GPC5: variants seen among roughly 807,000 people sequenced by gnomAD.
The protein encoded by GPC5 is glypican 5, also known as glypican-5.
GPC5 carries 47 observed loss-of-function variants against 53.9 expected under a neutral mutation model. The observed-to-expected ratio is 0.87, with a 90% CI of 0.69 to 1.11. The LOEUF is 1.11. Ranked by LOEUF, GPC5 falls within the 50% of genes most tolerant of loss-of-function variation. The pLI, the probability that GPC5 is intolerant of heterozygous loss-of-function variation, is 0.00. For synonymous variants in GPC5, 286 were observed against 263.3 expected (o/e 1.09, Z -0.84); for missense variants, 748 against 713.1 (o/e 1.05, Z -0.56).
At chr13:92,264,221 T>C (rs1260311697) in intron 7 of GPC5, among the ~76,000 whole-genome samples, 1 of 152,068 alleles carries the variant, frequency 6.6e-6, no homozygotes, top group Non-Finnish European at 1.5e-5. Context: ...AGAGTAAATA[T>C]ACTAATATAC....
intron 2 of GPC5, among the ~76,000 whole-genome samples, chr13:91,648,163 G>C (rs1315285447): frequency 6.6e-6 from 1 of 152,134 alleles, no homozygotes; most frequent in Admixed American, 6.5e-5. Flanking sequence ...GTGCTATCCT[G>C]ATTCCAGGAT....
At chr13:92,244,442 T>C (rs1594031894) in intron 7 of GPC5, among the ~76,000 whole-genome samples, 1 of 152,302 alleles carries the variant, frequency 6.6e-6, no homozygotes, top group East Asian at 1.9e-4. Context: ...TTAAATAGCA[T>C]GGACTAGAGT....
intron 1 of GPC5, among the ~76,000 whole-genome samples, chr13:91,419,861 T>C (rs573270947): frequency 6.6e-6 from 1 of 152,330 alleles, no homozygotes; most frequent in Non-Finnish European, 1.5e-5. Context: ...TGTTTGCTGC[T>C]TATGGTAAAT....
intron 7 of GPC5, among the ~76,000 whole-genome samples, chr13:92,280,245 T>C (rs2042904988): frequency 6.6e-6 from 1 of 152,170 alleles, no homozygotes; most frequent in Non-Finnish European, 1.5e-5. Context: ...TTAGTTGTTT[T>C]TGTCTTCTGT....
intron 7 of GPC5, among the ~76,000 whole-genome samples, chr13:92,285,096 T>A (rs1044089258): frequency 6.6e-6 from 1 of 152,028 alleles, no homozygotes; most frequent in Admixed American, 6.5e-5. Context: ...TATACACTAA[T>A]AACAGACAAA....
intron 7 of GPC5, among the ~76,000 whole-genome samples, chr13:92,717,450 A>G (rs932109032): frequency 1.1e-4 from 17 of 152,280 alleles, no homozygotes; most frequent in South Asian, 2.1e-4. Context: ...TCAGATATTT[A>G]AAGAAACAAT....
intron 2 of GPC5, among the ~76,000 whole-genome samples, chr13:91,511,828 C>T (rs1365058356): frequency 1.3e-5 from 2 of 151,834 alleles, no homozygotes; most frequent in Non-Finnish European, 2.9e-5. Flanking sequence ...ACATCTTGGG[C>T]GTATATGAAC....
At chr13:92,501,364 A>T (rs1880176559) in intron 7 of GPC5, among the ~76,000 whole-genome samples, 1 of 152,164 alleles carries the variant, frequency 6.6e-6, no homozygotes, top group South Asian at 2.1e-4. Flanking sequence ...GTGACAATAT[A>T]CTTGAAAACA....
chr13:92,224,684 A>G (rs902309484), intron 7 of GPC5, among the ~76,000 whole-genome samples: 1 of 152,188 alleles, frequency 6.6e-6, no homozygotes, highest in Non-Finnish European at 1.5e-5. Context: ...TGTCTAAATG[A>G]CAGTTCCACA....
intron 7 of GPC5, among the ~76,000 whole-genome samples, chr13:92,747,512 G>T (rs1818091100): frequency 6.6e-6 from 1 of 152,038 alleles, no homozygotes; most frequent in South Asian, 2.1e-4. Context: ...GCAAGTCACT[G>T]GGGGTATGCA....
chr13:92,368,077 C>T lies in GPC5; in HGVS notation c.1561+223088C>T, dbSNP rs189266780. 3.1e-3 allele frequency among the ~76,000 whole-genome samples: 473 copies of T among 152,110 alleles called. 4 individuals carry two copies. Among genetic ancestry groups the T allele is most frequent in the African/African-American group, 0.011 (444 of 41,528 alleles). The stretch of plus-strand genomic sequence containing the variant: ...TCGGCTCACTGCAACCTCTGCCTCC[C>T]GGATTGAAGCGATTCTTCTGCCTCA... On this transcript the variant is annotated intron_variant, in intron 7 of 7. Coordinates refer to ENST00000377067, the MANE Select transcript of GPC5 (RefSeq NM_004466.6).
chr13:91,546,758 T>G (rs2030313841), intron 2 of GPC5, among the ~76,000 whole-genome samples: 1 of 152,124 alleles, frequency 6.6e-6, no homozygotes, highest in Non-Finnish European at 1.5e-5. Context: ...TCGAGGATTT[T>G]AAACTTTGAC....
intron 6 of GPC5, among the ~76,000 whole-genome samples, chr13:91,946,378 C>G (rs1425197700): frequency 6.6e-6 from 1 of 152,062 alleles, no homozygotes; most frequent in African/African-American, 2.4e-5. Flanking sequence ...TACCATTACT[C>G]CATATGCTTC....
chr13:92,069,568 C>G (rs1214725629), intron 6 of GPC5, among the ~76,000 whole-genome samples: 1 of 151,894 alleles, frequency 6.6e-6, no homozygotes, highest in Non-Finnish European at 1.5e-5. Context: ...AATCTTGACC[C>G]CAGGCTAATA....
chr13:92,209,501 A>G (rs2042359671), intron 7 of GPC5, among the ~76,000 whole-genome samples: 1 of 152,172 alleles, frequency 6.6e-6, no homozygotes, highest in Non-Finnish European at 1.5e-5. Context: ...ATTGTTGTCT[A>G]CTAACTGCAA....
chr13:92,378,291 CA>C (rs1028482597), intron 7 of GPC5, among the ~76,000 whole-genome samples: 3 of 152,134 alleles, frequency 2.0e-5, no homozygotes, highest in Non-Finnish European at 2.9e-5. Context: ...CCAACTAAAA[CA>C]TATTAAGAAT....
At chr13:92,314,995 T>A (rs2043169265) in intron 7 of GPC5, among the ~76,000 whole-genome samples, 1 of 152,110 alleles carries the variant, frequency 6.6e-6, no homozygotes. Flanking sequence ...CAGGCTGGTC[T>A]CGAACTCTTA....
At chr13:92,694,459 G>A (rs991017357) in intron 7 of GPC5, among the ~76,000 whole-genome samples, 1 of 152,162 alleles carries the variant, frequency 6.6e-6, no homozygotes, top group Non-Finnish European at 1.5e-5. Context: ...CCTAGTGTTT[G>A]CATTAGCATC....
intron 5 of GPC5, among the ~76,000 whole-genome samples, chr13:91,758,461 C>G (rs183853771): frequency 6.6e-6 from 1 of 152,168 alleles, no homozygotes; most frequent in East Asian, 1.9e-4. Context: ...GAACCTTAAT[C>G]TGAATTTATC....
Sources: allele counts gnomAD v4.1 joint callset (sites outside exome capture counted in the v4.1 genomes callset), GRCh38; gene constraint gnomAD v4.1.1; transcripts MANE v1.5; gene names NCBI Gene and HGNC (gene_info 2026-07-23, HGNC 2026-07-21).